Variants in IFT46 observed in about 807,000 individuals in gnomAD.
IFT46 encodes intraflagellar transport 46, also known as intraflagellar transport protein 46 homolog.
A neutral mutation model predicts 39.6 loss-of-function variants in IFT46; 19 were observed. That is an observed-to-expected ratio of 0.48 (90% CI 0.33 to 0.70). IFT46 has a LOEUF of 0.70. Among genes scored for constraint, IFT46 ranks in the 30% least tolerant of loss-of-function variants. The probability of loss-of-function intolerance (pLI) is 0.01; values close to 1 mark genes in which losing one functional copy is unlikely to be tolerated. For synonymous variants in IFT46, 117 were observed against 134.8 expected, an observed-to-expected ratio of 0.87 and a Z score of 0.91; for missense variants, 334 against 364.8, an observed-to-expected ratio of 0.92 and a Z score of 0.69.
At chr11:118,550,706 C>A (rs1951787344) in intron 9 of IFT46, among the ~76,000 whole-genome samples, 1 of 152,066 alleles carries the variant, frequency 6.6e-6, no homozygotes, top group African/African-American at 2.4e-5. Flanking sequence ...TCTCATTATA[C>A]CCTAATTCTA....
At chr11:118,569,308 A>T (rs1938291055), upstream of IFT46, among the ~76,000 whole-genome samples, 1 of 151,356 alleles carries the variant, frequency 6.6e-6, no homozygotes, top group African/African-American at 2.4e-5. Flanking sequence ...TTTTTAAAAT[A>T]TTGACTGGGC....
intron 2 of IFT46, chr11:118,561,079 TG>T: frequency 6.5e-7 from 1 of 1,530,568 alleles, no homozygotes; most frequent in Non-Finnish European, 8.9e-7. Context: ...ATGAATACAA[TG>T]TGGAAAGCAT....
At chr11:118,550,251 C>T (rs1481506542) in intron 9 of IFT46, among the ~76,000 whole-genome samples, 1 of 152,036 alleles carries the variant, frequency 6.6e-6, no homozygotes. Flanking sequence ...CCACTGCACC[C>T]GGCCTCAATA....
intron 4 of IFT46, among the ~76,000 whole-genome samples, chr11:118,555,852 G>C (rs1555069371): frequency 6.6e-6 from 1 of 151,840 alleles, no homozygotes; most frequent in Non-Finnish European, 1.5e-5. Context: ...GAACCTGGAA[G>C]GCAGAGGTTG....
At chr11:118,574,615 T>TA (rs1173108263), upstream of IFT46, among the ~76,000 whole-genome samples, 1 of 152,146 alleles carries the variant, frequency 6.6e-6, no homozygotes, top group African/African-American at 2.4e-5. Context: ...TTTTAAAAAA[T>TA]AAATTCCCTT....
intron 7 of IFT46, among the ~76,000 whole-genome samples, chr11:118,553,318 G>A (rs1240292247): frequency 2.0e-5 from 3 of 151,708 alleles, no homozygotes; most frequent in East Asian, 1.9e-4. Context: ...GTGCATGCCT[G>A]TAATCCCAGC....
intron 2 of IFT46, chr11:118,560,649 G>C (rs1938020930): frequency 2.0e-6 from 1 of 508,688 alleles, no homozygotes; most frequent in Admixed American, 2.8e-5. Context: ...TGGGCCGGCA[G>C]GTCTCTGTCG....
chr11:118,552,322 A>G lies in IFT46; in HGVS notation c.497T>C (p.Val166Ala), dbSNP rs1555068663. 1 of 1,614,110 alleles carries G rather than the reference A, an allele frequency of 6.2e-7. No homozygotes were observed. Among genetic ancestry groups the G allele is most frequent in the South Asian group, 1.1e-5 (1 of 91,074 alleles). ...KQHNITQHMK[V>A]KSLEDAEKNP... ...CTTTTCTGCATCTTCTAGGCTTTTT[A>G]CTTTCATATGTTGCTAGGAAAGTAA... The change falls in exon 8 of 12, where the codon GTA becomes GCA. Residue 166 changes from valine to alanine, a missense_variant. Val to Ala is a moderately conservative substitution (Grantham distance 64, BLOSUM62 0). Coordinates refer to ENST00000264021, the MANE Select transcript of IFT46 (RefSeq NM_001168618.2).
chr11:118,555,492 A>C (rs577272213), intron 4 of IFT46, 170 bp from the exon 5 acceptor site: 67 of 557,824 alleles, frequency 1.2e-4, no homozygotes, highest in African/African-American at 1.0e-3. Context: ...GGTTGATTGT[A>C]CTTAACTCTC....
chr11:118,563,535 C>G lies in IFT46; in HGVS notation c.-36+1430G>C, dbSNP rs920909739. 2.0e-5 allele frequency among the ~76,000 whole-genome samples: 3 copies of G among 152,202 alleles called. No individual in the cohort carries two copies. The South Asian group carries it at 6.2e-4, about 32-fold the overall frequency. ...TCACCAAGTCTTAGTGATTCTGCGA[C>G]AATGTCTTATACCGTATTTGCCTCT... On this transcript the variant is annotated intron_variant, in intron 2 of 11. Coordinates refer to ENST00000264021, the MANE Select transcript of IFT46 (RefSeq NM_001168618.2).
chr11:118,572,609 C>A, exon 1 of IFT46: 1 of 1,581,676 alleles, frequency 6.3e-7, no homozygotes, highest in Non-Finnish European at 8.6e-7. Context: ...CTCTCCTTGT[C>A]GGCGGGCCTG....
intron 4 of IFT46, 77 bp downstream of exon 4, chr11:118,556,829 A>G: frequency 2.8e-6 from 4 of 1,439,024 alleles, no homozygotes; most frequent in Non-Finnish European, 2.8e-6. Context: ...TTTCACTTCT[A>G]ACTGACGTCC....
At chr11:118,567,449 G>A (rs185894056), upstream of IFT46, among the ~76,000 whole-genome samples, 262 of 151,812 alleles carry the variant, frequency 1.7e-3, no homozygotes, top group African/African-American at 6.1e-3. Flanking sequence ...GGTGGCGCGC[G>A]CCTGTAATCC....
chr11:118,551,380 A>C (rs561607168), intron 9 of IFT46, among the ~76,000 whole-genome samples: 90 of 151,686 alleles, frequency 5.9e-4, no homozygotes, highest in African/African-American at 2.2e-3. Flanking sequence ...CTCAACAAAA[A>C]AAATTAATGA....
intron 1 of IFT46, chr11:118,572,466 C>G (rs1016034284): frequency 6.0e-6 from 9 of 1,507,824 alleles, no homozygotes; most frequent in Middle Eastern, 1.7e-4. Flanking sequence ...AGGTCCAGAG[C>G]TGCTGGTGCT....
intron 9 of IFT46, 175 bp from the exon 10 acceptor site, chr11:118,546,028 A>G (rs1951675874): frequency 1.4e-6 from 1 of 710,942 alleles, no homozygotes; most frequent in East Asian, 2.7e-5. Flanking sequence ...GAATGTGACT[A>G]TATTTGGAGA....
chr11:118,545,570 C>T, intron 10 of IFT46, 76 bp from the exon 11 acceptor site: 1 of 1,312,956 alleles, frequency 7.6e-7, no homozygotes, highest in Non-Finnish European at 1.1e-6. Context: ...CTAGCACAGG[C>T]AAAGCCCTGG....
intron 2 of IFT46, chr11:118,560,643 C>T: frequency 2.0e-6 from 1 of 494,246 alleles, no homozygotes; most frequent in South Asian, 2.0e-5. Flanking sequence ...CACTGCTGGG[C>T]CGGCAGGTCT....
chr11:118,567,870 C>T (rs1161342540), upstream of IFT46, among the ~76,000 whole-genome samples: 4 of 152,166 alleles, frequency 2.6e-5, no homozygotes, highest in African/African-American at 4.8e-5. Flanking sequence ...ATAGATGTTA[C>T]TGCCAATCTA....
Sources: allele counts gnomAD v4.1 joint callset (sites outside exome capture counted in the v4.1 genomes callset), GRCh38; gene constraint gnomAD v4.1.1; transcripts MANE v1.5; gene names NCBI Gene and HGNC (gene_info 2026-07-23, HGNC 2026-07-21).